ASXL3: variants seen among roughly 807,000 people sequenced by gnomAD.
The protein encoded by ASXL3 is ASXL transcriptional regulator 3, also known as putative Polycomb group protein ASXL3.
A neutral mutation model predicts 170.6 loss-of-function variants in ASXL3; 34 were observed. The ratio of observed to expected loss-of-function variants is 0.20; its 90% CI spans 0.15 to 0.27. The LOEUF is 0.27. Ranked by LOEUF, ASXL3 falls within the 10% of genes least tolerant of loss-of-function variation. The pLI, the probability that ASXL3 is intolerant of heterozygous loss-of-function variation, is 1.00. For missense variants in ASXL3, 2,592 were observed against 2,695.3 expected, an observed-to-expected ratio of 0.96 and a Z score of 0.85; for synonymous variants, 1,002 against 989.1, an observed-to-expected ratio of 1.01 and a Z score of -0.24.
At chr18:33,721,391 T>C (rs960742730) in intron 8 of ASXL3, among the ~76,000 whole-genome samples, 6 of 152,036 alleles carry the variant, frequency 3.9e-5, no homozygotes, top group African/African-American at 7.2e-5. Context: ...TGTACACACA[T>C]ATATATATGT....
intron 7 of ASXL3, among the ~76,000 whole-genome samples, chr18:33,672,864 A>G (rs1356797271): frequency 6.6e-6 from 1 of 152,170 alleles, no homozygotes; most frequent in Admixed American, 6.5e-5. Context: ...TCTAATAAAA[A>G]GACTTTAAAT....
chr18:33,607,487 A>G, intron 1 of ASXL3, 107 bp from the exon 2 acceptor site: 2 of 913,386 alleles, frequency 2.2e-6, no homozygotes, highest in Non-Finnish European at 3.4e-6. Flanking sequence ...TTTGATGTAA[A>G]AGCCCCTTCC....
At chr18:33,645,973 A>G (rs980186265) in intron 3 of ASXL3, among the ~76,000 whole-genome samples, 8 of 151,924 alleles carry the variant, frequency 5.3e-5, no homozygotes, top group Admixed American at 1.3e-4. Flanking sequence ...AAACTGTAGA[A>G]TTGAAAAAAG....
At chr18:33,714,710 A>G (rs1384499957) in intron 8 of ASXL3, among the ~76,000 whole-genome samples, 1 of 151,966 alleles carries the variant, frequency 6.6e-6, no homozygotes, top group Non-Finnish European at 1.5e-5. Flanking sequence ...TGTGGGGTAC[A>G]TGTTCCACCA....
chr18:33,746,755 A>T lies in ASXL3; in HGVS notation c.*160A>T. 8.2e-7 allele frequency: 1 copy of T among 1,213,034 alleles called. No homozygotes were observed. Among genetic ancestry groups the T allele is most frequent in the Admixed American group, 3.0e-5 (1 of 32,956 alleles). The allele number at this position is 1,213,034 out of a possible 1,614,324, so 75.1% of individuals were successfully genotyped here. A position where few individuals can be genotyped will look rare whatever the true frequency, so the allele number is the denominator to read the frequency against. On this transcript the variant is annotated 3_prime_UTR_variant, in exon 12 of 12. Coordinates refer to ENST00000269197, the MANE Select transcript of ASXL3 (RefSeq NM_030632.3). ...GCATTATTTTCTTGCATTTCTCATA[A>T]AGGGGAGGATGCATCCCAACTGAAT...
chr18:33,609,692 A>T (rs1173191513), intron 2 of ASXL3, among the ~76,000 whole-genome samples: 1 of 151,956 alleles, frequency 6.6e-6, no homozygotes, highest in Admixed American at 6.6e-5. Flanking sequence ...CACCCACTAC[A>T]TCACTATTTG....
chr18:33,707,844 C>G (rs976399924), intron 8 of ASXL3, among the ~76,000 whole-genome samples: 20 of 151,982 alleles, frequency 1.3e-4, no homozygotes, highest in Admixed American at 2.6e-4. Flanking sequence ...AAATTTCCTT[C>G]CATTCCTTGT....
At chr18:33,653,029 T>C (rs578130472) in intron 4 of ASXL3, among the ~76,000 whole-genome samples, 23 of 151,758 alleles carry the variant, frequency 1.5e-4, no homozygotes, top group African/African-American at 5.6e-4. Context: ...AAAAGGAAAA[T>C]GAGGGTGACT....
chr18:33,677,444 T>TA (rs1183899380), intron 7 of ASXL3, among the ~76,000 whole-genome samples: 3 of 152,054 alleles, frequency 2.0e-5, no homozygotes, highest in Non-Finnish European at 2.9e-5. Context: ...AAAGTAAAAC[T>TA]AAAAAACAAA....
chr18:33,733,973 C>G (rs2067498256), intron 9 of ASXL3, among the ~76,000 whole-genome samples: 2 of 150,574 alleles, frequency 1.3e-5, no homozygotes, highest in Admixed American at 6.6e-5. Flanking sequence ...TTCCAGCAGA[C>G]TGATTTCCTT....
intron 7 of ASXL3, among the ~76,000 whole-genome samples, chr18:33,678,722 C>T (rs2066469782): frequency 6.6e-6 from 1 of 152,044 alleles, no homozygotes; most frequent in Admixed American, 6.5e-5. Flanking sequence ...TCTCTGGGTA[C>T]TATAGGGAGA....
chr18:33,598,110 A>G (rs2065147107), intron 1 of ASXL3, among the ~76,000 whole-genome samples: 1 of 152,240 alleles, frequency 6.6e-6, no homozygotes, highest in South Asian at 2.1e-4. Context: ...AATATACACT[A>G]AGCACCTTAA....
chr18:33,710,488 T>C (rs2067039885), intron 8 of ASXL3, among the ~76,000 whole-genome samples: 1 of 152,228 alleles, frequency 6.6e-6, no homozygotes, highest in African/African-American at 2.4e-5. Flanking sequence ...TGGGTCATAG[T>C]TCACGTAAAG....
At chr18:33,685,105 G>C (rs542258883) in intron 8 of ASXL3, among the ~76,000 whole-genome samples, 21 of 152,136 alleles carry the variant, frequency 1.4e-4, no homozygotes, top group African/African-American at 4.8e-4. Context: ...ATGGAGCTGT[G>C]ATGTAATAAG....
chr18:33,724,374 C>T (rs1346808511), intron 8 of ASXL3, among the ~76,000 whole-genome samples: 2 of 151,998 alleles, frequency 1.3e-5, no homozygotes. Context: ...ATTCTGAATA[C>T]TTGGTTCTCA....
chr18:33,638,643 C>T (rs774495728), intron 2 of ASXL3, among the ~76,000 whole-genome samples: 6 of 152,134 alleles, frequency 3.9e-5, no homozygotes, highest in Non-Finnish European at 5.9e-5. Flanking sequence ...GGAAAGAGCA[C>T]GGGCTTTGGA....
At chr18:33,671,293 G>A (rs976601545) in intron 6 of ASXL3, among the ~76,000 whole-genome samples, 1 of 152,094 alleles carries the variant, frequency 6.6e-6, no homozygotes, top group East Asian at 1.9e-4. Context: ...TATCGGCTAT[G>A]TACTATTCTA....
Position 33,746,149 on chromosome 18 carries a change from G to A in ASXL3, c.6301G>A (p.Val2101Ile). The change falls in exon 12 of 12, where the codon GTT becomes ATT. Residue 2101 changes from valine to isoleucine, a missense_variant. Transcript: ENST00000269197. ...CAGCTGTGAACTGGGCATGAAACAA[G>A]TTTCCTATGACCAGAATGAAATGAA... ...SSSCELGMKQVSYDQNEMKEQ... is the reference protein window; with the variant it reads ...SSSCELGMKQISYDQNEMKEQ... The A allele has an allele frequency of 6.2e-7, 1 of 1,613,778 alleles. No individual in the cohort carries two copies. Among genetic ancestry groups the A allele is most frequent in the Non-Finnish European group, 8.5e-7 (1 of 1,179,880 alleles).
intron 8 of ASXL3, among the ~76,000 whole-genome samples, chr18:33,693,115 C>A (rs182995282): frequency 1.1e-4 from 16 of 152,012 alleles, no homozygotes; most frequent in Admixed American, 3.3e-4. Flanking sequence ...TTTGTGGAGG[C>A]GCAATTCAGT....
Sources: gnomAD v4.1 joint callset for allele counts (sites outside exome capture counted in the v4.1 genomes callset) on GRCh38, gnomAD v4.1.1 for gene constraint, MANE v1.5 for transcripts, NCBI Gene and HGNC (gene_info 2026-07-23, HGNC 2026-07-21) for gene names.